Variants in MCEE observed in about 807,000 individuals in gnomAD.
The protein encoded by MCEE is methylmalonyl-CoA epimerase, mitochondrial.
Under a neutral mutation model 12.9 loss-of-function variants are expected in MCEE, and 6 were observed. The observed-to-expected ratio is 0.47, with a 90% CI of 0.26 to 0.92. MCEE has a LOEUF of 0.92. Among genes scored for constraint, MCEE ranks in the 40% least tolerant of loss-of-function variants. The pLI is 0.16. For missense variants in MCEE, 214 were observed against 212.1 expected, an observed-to-expected ratio of 1.01 and a Z score of -0.05; for synonymous variants, 78 against 77.9, an observed-to-expected ratio of 1.00 and a Z score of -0.01.
intron 2 of MCEE, among the ~76,000 whole-genome samples, chr2:71,120,609 A>G (rs1673080704): frequency 6.6e-6 from 1 of 150,480 alleles, no homozygotes; most frequent in South Asian, 2.1e-4. Flanking sequence ...GTGAGTCAAC[A>G]AAAACCATGG....
intron 2 of MCEE, among the ~76,000 whole-genome samples, chr2:71,120,932 T>A (rs1394958793): frequency 6.6e-6 from 1 of 152,194 alleles, no homozygotes; most frequent in Non-Finnish European, 1.5e-5. Context: ...AGATGGGGTT[T>A]CACCGTGTTG....
chr2:71,127,651 G>A (rs1356163080), intron 1 of MCEE, among the ~76,000 whole-genome samples: 1 of 152,114 alleles, frequency 6.6e-6, no homozygotes, highest in African/African-American at 2.4e-5. Flanking sequence ...TTTTTGAAAC[G>A]AGTCTGGCTC....
At chr2:71,124,126 A>AC in intron 2 of MCEE, 80 bp downstream of exon 2, 1 of 1,049,744 alleles carries the variant, frequency 9.5e-7, no homozygotes. Flanking sequence ...AATGACAGTG[A>AC]CCATAAATAG....
chr2:71,129,918 C>T, intron 1 of MCEE: 1 of 581,326 alleles, frequency 1.7e-6, no homozygotes, highest in South Asian at 2.0e-5. Context: ...GACTCTCCCG[C>T]CCACATACTG....
At chr2:71,115,461 A>C (rs6705137) in intron 2 of MCEE, among the ~76,000 whole-genome samples, 1 of 150,364 alleles carries the variant, frequency 6.7e-6, no homozygotes, top group African/African-American at 2.5e-5. Context: ...CACTAACTTC[A>C]ATTTTAAAGC....
intron 2 of MCEE, among the ~76,000 whole-genome samples, chr2:71,114,188 G>A (rs1672947190): frequency 6.6e-6 from 1 of 152,178 alleles, no homozygotes; most frequent in Admixed American, 6.5e-5. Flanking sequence ...GCTAGGGGTG[G>A]AGGAGTGGGG....
At chr2:71,126,089 A>G (rs1237291985) in intron 1 of MCEE, among the ~76,000 whole-genome samples, 1 of 152,006 alleles carries the variant, frequency 6.6e-6, no homozygotes, top group Admixed American at 6.6e-5. Flanking sequence ...GGCTCAAGCG[A>G]TCCTCCGACC....
At chr2:71,125,211 A>ATATATATATATATATATTTTTTT in intron 1 of MCEE, among the ~76,000 whole-genome samples, 2 of 48,602 alleles carry the variant, frequency 4.1e-5, no homozygotes, top group South Asian at 8.9e-4. Flanking sequence ...ATATATATAT[A>ATATATATATATATATATTTTTTT]TTTTTTTTTT....
At chr2:71,117,775 A>T (rs1399101703) in intron 2 of MCEE, among the ~76,000 whole-genome samples, 1 of 150,076 alleles carries the variant, frequency 6.7e-6, no homozygotes. Flanking sequence ...CTTGAAATCA[A>T]ATCCAACATC....
chr2:71,110,537 A>G (rs935444540), intron 2 of MCEE, among the ~76,000 whole-genome samples: 1 of 152,204 alleles, frequency 6.6e-6, no homozygotes, highest in African/African-American at 2.4e-5. Context: ...ACAGATAAAA[A>G]GCTTTCAGTA....
chr2:71,120,124 T>C (rs1480286803), intron 2 of MCEE, among the ~76,000 whole-genome samples: 1 of 150,226 alleles, frequency 6.7e-6, no homozygotes, highest in Non-Finnish European at 1.5e-5. Context: ...GGAAAAGGAA[T>C]GTTACTCAGG....
At chr2:71,114,720 C>A (rs867121363) in intron 2 of MCEE, among the ~76,000 whole-genome samples, 1 of 151,912 alleles carries the variant, frequency 6.6e-6, no homozygotes, top group African/African-American at 2.4e-5. Flanking sequence ...ATGATGTCAC[C>A]GTGGTTATTT....
At chr2:71,120,353 G>A (rs1041156124) in intron 2 of MCEE, among the ~76,000 whole-genome samples, 4 of 150,036 alleles carry the variant, frequency 2.7e-5, no homozygotes, top group Admixed American at 6.6e-5. Context: ...TCTTGCCATC[G>A]CAGGCAGCAG....
Position 71,124,338 on chromosome 2 carries a change from A to G in MCEE, c.246T>C (p.His82=). 1.2e-6 allele frequency: 2 copies of G among 1,614,154 alleles called. No individual in the cohort carries two copies. The highest frequency in any genetic ancestry group is 1.7e-6 in the Non-Finnish European group (2 of 1,180,004). The part of the protein sequence containing the change: ...QVSEAVPLPE[H]GVSVVFVNLG... ...GGTTGACAAAAACAACAGATACTCC[A>G]TGTTCAGGAAGAGGGACCGCTTCAC... Residue 82 remains histidine, a synonymous_variant, in exon 2 of 3, where the codon CAT becomes CAC. Transcript: ENST00000244217.
chr2:71,120,314 C>T (rs1673074299), intron 2 of MCEE, among the ~76,000 whole-genome samples: 1 of 150,048 alleles, frequency 6.7e-6, no homozygotes, highest in Admixed American at 6.6e-5. Context: ...CAAGCAGAGG[C>T]ACGCAGAAGG....
intron 1 of MCEE, among the ~76,000 whole-genome samples, chr2:71,125,211 A>ATATTTTTTTTTTTTT: frequency 6.2e-5 from 3 of 48,594 alleles, no homozygotes; most frequent in Non-Finnish European, 1.3e-4. Flanking sequence ...ATATATATAT[A>ATATTTTTTTTTTTTT]TTTTTTTTTT....
At chr2:71,110,821 G>A (rs957205666) in intron 2 of MCEE, 3 of 152,004 alleles carry the variant, frequency 2.0e-5, no homozygotes, top group African/African-American at 7.3e-5. Context: ...GAAATGATCT[G>A]CCTCTATCTT....
At chr2:71,116,357 G>C (rs1672993145) in intron 2 of MCEE, among the ~76,000 whole-genome samples, 1 of 150,060 alleles carries the variant, frequency 6.7e-6, no homozygotes, top group South Asian at 2.1e-4. Flanking sequence ...ACAGGCGTGA[G>C]CCACCATGCC....
At chr2:71,110,912 T>TAAATCACTAGTTTAATTA (rs1365417223) in intron 2 of MCEE, 7 of 152,110 alleles carry the variant, frequency 4.6e-5, no homozygotes, top group Non-Finnish European at 1.0e-4. Context: ...TAGGCAGTCA[T>TAAATCACTAGTTTAATTA]AAATCACTAG....
Sources: gnomAD v4.1 joint callset for allele counts (sites outside exome capture counted in the v4.1 genomes callset) on GRCh38, gnomAD v4.1.1 for gene constraint, MANE v1.5 for transcripts, NCBI Gene and HGNC (gene_info 2026-07-23, HGNC 2026-07-21) for gene names.